TMEM150B: variants seen among roughly 807,000 people sequenced by gnomAD.
TMEM150B encodes modulator of macroautophagy TMEM150B.
Under a neutral mutation model 25.2 loss-of-function variants are expected in TMEM150B, and 33 were observed. The ratio of observed to expected loss-of-function variants is 1.31; its 90% CI spans 0.99 to 1.75. The LOEUF (loss-of-function observed/expected upper bound fraction) is 1.75. Ranked by LOEUF, TMEM150B falls within the 40% of genes most tolerant of loss-of-function variation. The pLI is 0.00. For missense variants in TMEM150B, 322 were observed against 306.1 expected, an observed-to-expected ratio of 1.05 and a Z score of -0.39; for synonymous variants, 133 against 134.8, an observed-to-expected ratio of 0.99 and a Z score of 0.09.
In TMEM150B at chr19:55,312,986, A is replaced by C; in HGVS notation, c.575T>G (p.Leu192Arg). The C allele has an allele frequency of 6.2e-7, 1 of 1,613,734 alleles. No individual in the cohort carries two copies. The highest frequency in any genetic ancestry group is 1.7e-4 in the Middle Eastern group (1 of 5,952). Reference sequence around the variant, plus strand: ...GGCTAAGAGACCGAAGAGCGCGAACAGCAGCATGGCCACGACCCACTCGCA... The same window carrying C: ...GGCTAAGAGACCGAAGAGCGCGAACCGCAGCATGGCCACGACCCACTCGCA... Reference protein sequence around the residue: ...AACEWVVAMLLFALFGLLAVD... With the variant: ...AACEWVVAMLRFALFGLLAVD... Residue 192 changes from leucine to arginine, a missense_variant, in exon 8 of 8, where the codon CTG (leucine) becomes CGG (arginine). Transcript: ENST00000326652.
Position 55,312,972 on chromosome 19 carries a change from C to G in TMEM150B, c.589G>C (p.Gly197Arg), listed in dbSNP as rs373223061. 1.4e-5 allele frequency: 23 copies of G among 1,613,464 alleles called. No individual in the cohort carries two copies. Among genetic ancestry groups the G allele is most frequent in the East Asian group, 2.2e-5 (1 of 44,882 alleles). The change falls in exon 8 of 8, where the codon GGT becomes CGT. Residue 197 changes from glycine to arginine, a missense_variant. Gly to Arg is a moderately radical substitution (Grantham distance 125). Transcript: ENST00000326652. ...GCGGAGAAGTCAACGGCTAAGAGAC[C>G]GAAGAGCGCGAACAGCAGCATGGCC... ...VVAMLLFALFGLLAVDFSALE... is the reference protein window; with the variant it reads ...VVAMLLFALFRLLAVDFSALE...
At chr19:55,322,282 G>GCAGGGA (rs946393935) in intron 2 of TMEM150B, among the ~76,000 whole-genome samples, 1 of 152,158 alleles carries the variant, frequency 6.6e-6, no homozygotes, top group African/African-American at 2.4e-5. Context: ...AGCCCAGCCA[G>GCAGGGA]CAGGGACAGG....
chr19:55,318,048 T>TA (rs1178414662), intron 6 of TMEM150B, among the ~76,000 whole-genome samples: 2 of 151,912 alleles, frequency 1.3e-5, no homozygotes, highest in African/African-American at 2.4e-5. Flanking sequence ...AAATACTCCT[T>TA]AGAGGAGCAA....
intron 6 of TMEM150B, among the ~76,000 whole-genome samples, chr19:55,317,689 G>A (rs1008840976): frequency 1.3e-5 from 2 of 152,034 alleles, no homozygotes; most frequent in South Asian, 2.1e-4. Flanking sequence ...GCTGAGGCAG[G>A]AGAATCACTT....
chr19:55,311,023 C>T (rs994027140), downstream of TMEM150B, among the ~76,000 whole-genome samples: 17 of 152,100 alleles, frequency 1.1e-4, no homozygotes, highest in Admixed American at 2.0e-4. Context: ...TGCAGTGGCG[C>T]GATCTCAGCT....
chr19:55,312,807 C>A lies in TMEM150B; in HGVS notation c.*52G>T. ...GCTGGGTGCGGGGCACTGGGATTGG[C>A]CCCATCTTTCCTGCTTCACTGGTGA... On this transcript the variant is annotated 3_prime_UTR_variant, in exon 8 of 8. Coordinates refer to ENST00000326652, the MANE Select transcript of TMEM150B (RefSeq NM_001282011.2). The A allele has an allele frequency of 6.6e-7, 1 of 1,509,258 alleles. No individual in the cohort carries two copies. The highest frequency in any genetic ancestry group is 2.5e-5 in the East Asian group (1 of 40,618). 93.5% of individuals were successfully genotyped at this position (1,509,258 alleles called of 1,614,324 possible). A position where few individuals can be genotyped will look rare whatever the true frequency, so the allele number is the denominator to read the frequency against.
rs370980529 is a variant in TMEM150B, at chr19:55,312,996, C to T, written c.565G>A (p.Ala189Thr). ...CCGAAGAGCGCGAACAGCAGCATGG[C>T]CACGACCCACTCGCAGGCCGCAGAG... ...SVSAACEWVV[A>T]MLLFALFGLL... The change falls in exon 8 of 8, where the codon GCC (alanine) becomes ACC (threonine). Residue 189 changes from alanine to threonine, a missense_variant. By Grantham distance (58) the Ala-to-Thr change is moderately conservative. Transcript: ENST00000326652. 3.1e-6 allele frequency: 5 copies of T among 1,613,518 alleles called. No individual in the cohort carries two copies. The African/African-American group carries it at 6.7e-5, about 22-fold the overall frequency.
In TMEM150B at chr19:55,320,588, A is replaced by G; in HGVS notation, c.98T>C (p.Val33Ala). Residue 33 changes from valine (V) to alanine (A), a missense_variant, in exon 4 of 8, where the codon GTG becomes GCG. By Grantham distance (64) the Val-to-Ala change is moderately conservative. Transcript: ENST00000326652. ...VFAIAVTNRT[V>A]DLSKGFPYIS... ...GTAGGGAAAGCCTTTACTGAGGTCC[A>G]CAGTCCTGTTGGTCACTGCAATGGC... 6.2e-7 allele frequency: 1 copy of G among 1,613,900 alleles called. No homozygotes were observed. The highest frequency in any genetic ancestry group is 8.5e-7 in the Non-Finnish European group (1 of 1,179,946).
intron 7 of TMEM150B, among the ~76,000 whole-genome samples, chr19:55,315,561 A>T (rs2088968683): frequency 6.6e-6 from 1 of 152,128 alleles, no homozygotes; most frequent in African/African-American, 2.4e-5. Context: ...AGAGATCAAG[A>T]CCATCCTGGC....
intron 1 of TMEM150B, among the ~76,000 whole-genome samples, chr19:55,325,054 A>G (rs927708397): frequency 5.9e-5 from 9 of 152,182 alleles, no homozygotes; most frequent in Non-Finnish European, 7.3e-5. Flanking sequence ...CCAAAAACAT[A>G]ATAATAATAA....
Position 55,324,814 on chromosome 19 carries a change from G to A in TMEM150B, c.-154+458C>T, listed in dbSNP as rs192323756. ...TTCGCTTCTTTTTCCGGAGGTCTCC[G>A]TTTGCCCAGACATGAATCTGAGCCA... On this transcript the variant is annotated intron_variant, in intron 1 of 7. Transcript: ENST00000326652. 191 of 985,324 alleles carry A rather than the reference G, an allele frequency of 1.9e-4. 1 individual carries two copies. The African/African-American group carries it at 2.9e-3, about 15-fold the overall frequency. 61.0% of individuals were successfully genotyped at this position (985,324 alleles called of 1,614,324 possible). A position where few individuals can be genotyped will look rare whatever the true frequency, so the allele number is the denominator to read the frequency against.
chr19:55,317,252 A>G (rs2089036054), intron 6 of TMEM150B, among the ~76,000 whole-genome samples: 1 of 152,180 alleles, frequency 6.6e-6, no homozygotes, highest in African/African-American at 2.4e-5. Flanking sequence ...GGGGACAGAC[A>G]TTTCCCCAAA....
intron 7 of TMEM150B, among the ~76,000 whole-genome samples, chr19:55,315,883 T>G (rs1417017807): frequency 6.6e-6 from 1 of 152,034 alleles, no homozygotes; most frequent in Non-Finnish European, 1.5e-5. Context: ...TGAGCTGAGA[T>G]CACGCCACTG....
At position 55,319,312 on chromosome 19, in the gene TMEM150B, C is replaced by T. The variant is rs760062708; in HGVS notation, c.324+727G>A. On this transcript the variant is annotated intron_variant, in intron 6 of 7. Coordinates refer to ENST00000326652, the MANE Select transcript of TMEM150B (RefSeq NM_001282011.2). ...ATTTTTAGTAGAGATGGGGTTTTAC[C>T]GTGTTGGCCAGGCTGGTCTCCAACT... Among the ~76,000 whole-genome samples the T allele has an allele frequency of 4.6e-5, 7 of 151,184 alleles. No homozygotes were observed. The South Asian group carries it at 1.3e-3, about 27-fold the overall frequency.
chr19:55,311,994 C>T (rs1333407002), downstream of TMEM150B: 4 of 1,554,612 alleles, frequency 2.6e-6, no homozygotes, highest in East Asian at 2.4e-5. Flanking sequence ...AGACCCAGAG[C>T]TGAGCAGCTC....
At chr19:55,324,371 CG>C (rs2089281029) in intron 1 of TMEM150B, among the ~76,000 whole-genome samples, 1 of 150,374 alleles carries the variant, frequency 6.7e-6, no homozygotes, top group Admixed American at 6.6e-5. Flanking sequence ...GCTGGGTGGC[CG>C]GGCATGGTGG....
At chr19:55,318,689 C>G (rs2089089124) in intron 6 of TMEM150B, among the ~76,000 whole-genome samples, 1 of 152,028 alleles carries the variant, frequency 6.6e-6, no homozygotes, top group South Asian at 2.1e-4. Flanking sequence ...CAATGAGTGA[C>G]CTAGCTAGAG....
Position 55,312,982 on chromosome 19 carries a change from G to C in TMEM150B, c.579C>G (p.Phe193Leu), listed in dbSNP as rs774513528. ...ACEWVVAMLL[F>L]ALFGLLAVDF... The stretch of plus-strand genomic sequence containing the variant: ...CAACGGCTAAGAGACCGAAGAGCGC[G>C]AACAGCAGCATGGCCACGACCCACT... Residue 193 changes from phenylalanine to leucine, a missense_variant, in exon 8 of 8, where the codon TTC becomes TTG. By Grantham distance (22) the Phe-to-Leu change is conservative. Transcript: ENST00000326652. 1.2e-6 allele frequency: 2 copies of C among 1,613,634 alleles called. No homozygotes were observed. Among genetic ancestry groups the C allele is most frequent in the Middle Eastern group, 1.7e-4 (1 of 5,924 alleles).
intron 2 of TMEM150B, among the ~76,000 whole-genome samples, chr19:55,321,719 C>G (rs1304154012): frequency 6.6e-6 from 1 of 152,118 alleles, no homozygotes; most frequent in East Asian, 1.9e-4. Context: ...CTGGAAGACC[C>G]AGAATTCCGG....
Sources: gnomAD v4.1 joint callset for allele counts (sites outside exome capture counted in the v4.1 genomes callset) on GRCh38, gnomAD v4.1.1 for gene constraint, MANE v1.5 for transcripts, NCBI Gene and HGNC (gene_info 2026-07-23, HGNC 2026-07-21) for gene names.